The following KDM5A variants were observed in gnomAD, a reference collection of about 807,000 sequenced individuals.
KDM5A encodes the protein lysine demethylase 5A.
A neutral mutation model predicts 193.5 loss-of-function variants in KDM5A; 42 were observed. The observed-to-expected ratio is 0.22, with a 90% confidence interval of 0.17 to 0.28. The LOEUF (loss-of-function observed/expected upper bound fraction) is 0.28, where lower values mean the gene tolerates loss of function less well. KDM5A is among the 10% of genes least tolerant of loss of function. The probability of loss-of-function intolerance (pLI) is 1.00; values close to 1 mark genes in which losing one functional copy is unlikely to be tolerated. For missense variants in KDM5A, 1,692 were observed against 2,055.1 expected (o/e 0.82, Z 3.42); for synonymous variants, 796 against 718.1 (o/e 1.11, Z -1.73).
At chr12:304,640 G>A (rs1943483482) in intron 24 of KDM5A, among the ~76,000 whole-genome samples, 1 of 151,772 alleles carries the variant, frequency 6.6e-6, no homozygotes, top group South Asian at 2.1e-4. Context: ...TTTCTACCCT[G>A]CCAATACCCA....
intron 13 of KDM5A, among the ~76,000 whole-genome samples, chr12:330,603 AAC>A (rs1166537908): frequency 6.6e-6 from 1 of 152,164 alleles, no homozygotes; most frequent in Non-Finnish European, 1.5e-5. Context: ...ATGTATCATA[AAC>A]ACTCAATAAA....
intron 10 of KDM5A, among the ~76,000 whole-genome samples, chr12:345,293 G>C (rs1281952830): frequency 6.6e-6 from 1 of 152,116 alleles, no homozygotes; most frequent in Non-Finnish European, 1.5e-5. Flanking sequence ...CCCACAAAGA[G>C]ACTTAGACTC....
chr12:292,721 T>C lies in KDM5A; in HGVS notation c.4866+38A>G, dbSNP rs780393931. ...ATGTGTCTCCACAACTGTTGCTCCT[T>C]GACCTCTCATGCTTGACTATAAACA... On this transcript the variant is annotated intron_variant, in intron 27 of 27. Coordinates refer to ENST00000399788, the MANE Select transcript of KDM5A (RefSeq NM_001042603.3). 2.7e-5 allele frequency: 44 copies of C among 1,613,886 alleles called. No individual in the cohort carries two copies. In the Admixed American group the frequency reaches 4.2e-4, roughly 15 times the overall value.
rs117106175 is a variant in KDM5A at position 308,133 on chromosome 12, C to T, written c.3379-128G>A. ...AAACAGTTTCCTAAAATGTGGGGCCCCTGGCGGTTTCCATGCAAACATTCC... is the reference window on the plus strand; with the variant it reads ...AAACAGTTTCCTAAAATGTGGGGCCTCTGGCGGTTTCCATGCAAACATTCC... On this transcript the variant is annotated intron_variant, in intron 22 of 27. Coordinates refer to ENST00000399788, the MANE Select transcript of KDM5A (RefSeq NM_001042603.3). 3,400 of 1,009,324 alleles carry T rather than the reference C, an allele frequency of 3.4e-3. 106 individuals are homozygous for T. In the East Asian group the frequency reaches 0.07, roughly 21 times the overall value. 62.5% of individuals were successfully genotyped at this position (1,009,324 alleles called of 1,614,324 possible).
chr12:342,616 C>T (rs560898719), intron 10 of KDM5A, among the ~76,000 whole-genome samples: 9 of 151,966 alleles, frequency 5.9e-5, no homozygotes, highest in South Asian at 2.1e-4. Flanking sequence ...AGCGCCACCA[C>T]GCCCAGCTAA....
chr12:355,155 T>TA lies in KDM5A; in HGVS notation c.870+2dup. 1 of 1,570,950 alleles carries TA rather than the reference T, an allele frequency of 6.4e-7. No homozygotes were observed. Among genetic ancestry groups the TA allele is most frequent in the Non-Finnish European group, 8.8e-7 (1 of 1,140,634 alleles). ...CCCTCCTGACAGACCCCAAAACACTTACAAAGTTAACAGAGAGAGTGCCTT... is the reference window on the plus strand; with the variant it reads ...CCCTCCTGACAGACCCCAAAACACTTAACAAAGTTAACAGAGAGAGTGCCTT... On this transcript the variant is annotated splice_region_variant and intron_variant, in intron 7 of 27. Coordinates refer to ENST00000399788, the MANE Select transcript of KDM5A (RefSeq NM_001042603.3).
chr12:318,514 A>G, intron 18 of KDM5A, 53 bp from the exon 19 acceptor site: 1 of 1,349,810 alleles, frequency 7.4e-7, no homozygotes, highest in Non-Finnish European at 1.1e-6. Flanking sequence ...AAACATACAA[A>G]AGAGTATGAA....
rs184606462 is a variant in KDM5A, at chr12:285,851, C to T, written c.4867-189G>A. Reference sequence around the variant, plus strand: ...GTTAATACCCCAAAATTATATTTCACCATAGTGTGTCCACAAAATTAGGCC... The same window carrying T: ...GTTAATACCCCAAAATTATATTTCATCATAGTGTGTCCACAAAATTAGGCC... On this transcript the variant is annotated intron_variant, in intron 27 of 27. Coordinates refer to ENST00000399788, the MANE Select transcript of KDM5A (RefSeq NM_001042603.3). Among the ~76,000 whole-genome samples the T allele has an allele frequency of 1.1e-4, 17 of 152,278 alleles. No homozygotes were observed. In the East Asian group the frequency reaches 3.1e-3, roughly 28 times the overall value.
chr12:336,100 T>G (rs1390592142), intron 10 of KDM5A, among the ~76,000 whole-genome samples: 4 of 146,826 alleles, frequency 2.7e-5, no homozygotes, highest in Non-Finnish European at 4.5e-5. Flanking sequence ...GGCTCATGCC[T>G]GTAATCTCAG....
chr12:324,935 TTATTA>T (rs1943764143), intron 14 of KDM5A, among the ~76,000 whole-genome samples: 1 of 152,150 alleles, frequency 6.6e-6, no homozygotes, highest in Admixed American at 6.5e-5. Flanking sequence ...ACACCTCCAT[TTATTA>T]TATAACTTTA....
At chr12:330,079 G>GTA (rs201475150) in intron 13 of KDM5A, among the ~76,000 whole-genome samples, 2,848 of 130,976 alleles carry the variant, frequency 0.022, 76 homozygotes, top group African/African-American at 0.086. Context: ...GTGTGTGTGT[G>GTA]TGTGTGTATA....
At chr12:296,481 T>C (rs947949746) in intron 25 of KDM5A, among the ~76,000 whole-genome samples, 1 of 152,186 alleles carries the variant, frequency 6.6e-6, no homozygotes, top group African/African-American at 2.4e-5. Context: ...TATAAATAAC[T>C]GGTTGTCTTT....
intron 20 of KDM5A, among the ~76,000 whole-genome samples, chr12:312,243 T>C (rs1943596359): frequency 6.6e-6 from 1 of 152,218 alleles, no homozygotes; most frequent in Admixed American, 6.5e-5. Flanking sequence ...ATGTGTAAAA[T>C]ACGTCTCTCC....
chr12:364,596 T>A (rs1183578800), intron 4 of KDM5A, among the ~76,000 whole-genome samples: 1 of 151,506 alleles, frequency 6.6e-6, no homozygotes, highest in Non-Finnish European at 1.5e-5. Context: ...CCATCCTGGC[T>A]AACACGGTGA....
At chr12:336,818 G>T (rs1943940346) in intron 10 of KDM5A, among the ~76,000 whole-genome samples, 1 of 146,274 alleles carries the variant, frequency 6.8e-6, no homozygotes. Flanking sequence ...CTGGGCAACA[G>T]AGCGAGACTC....
At chr12:327,407 A>G (rs1943804347) in intron 14 of KDM5A, among the ~76,000 whole-genome samples, 2 of 152,196 alleles carry the variant, frequency 1.3e-5, no homozygotes, top group South Asian at 4.1e-4. Flanking sequence ...TCAAAATAAG[A>G]ATTTTAAGAA....
intron 3 of KDM5A, among the ~76,000 whole-genome samples, chr12:366,362 A>C (rs1944357060): frequency 1.3e-5 from 2 of 152,244 alleles, no homozygotes; most frequent in Non-Finnish European, 2.9e-5. Context: ...TACTCTGTAC[A>C]GTACGCACTG....
intron 10 of KDM5A, among the ~76,000 whole-genome samples, chr12:337,672 TCTCA>T (rs1428458992): frequency 6.8e-6 from 1 of 146,286 alleles, no homozygotes; most frequent in African/African-American, 2.6e-5. Flanking sequence ...TGAGACAGAG[TCTCA>T]CTGTTGCCAA....
intron 27 of KDM5A, among the ~76,000 whole-genome samples, chr12:289,788 T>C (rs749695566): frequency 2.7e-5 from 4 of 149,902 alleles, no homozygotes; most frequent in Non-Finnish European, 5.9e-5. Flanking sequence ...GTTAGAGAAA[T>C]AATAGTAATT....
Sources: gnomAD v4.1 joint callset for allele counts (sites outside exome capture counted in the v4.1 genomes callset) on GRCh38, gnomAD v4.1.1 for gene constraint, MANE v1.5 for transcripts, NCBI Gene and HGNC (gene_info 2026-07-23, HGNC 2026-07-21) for gene names.